Variants in RCAN2 observed in about 807,000 individuals in gnomAD.
RCAN2 encodes regulator of calcineurin 2, also known as calcipressin-2.
A neutral mutation model predicts 23.6 loss-of-function variants in RCAN2; 9 were observed. That is an observed-to-expected ratio of 0.38 (90% CI 0.23 to 0.67). The LOEUF (loss-of-function observed/expected upper bound fraction) is 0.67. Among genes scored for constraint, RCAN2 ranks in the 30% least tolerant of loss-of-function variants. The pLI, the probability that RCAN2 is intolerant of heterozygous loss-of-function variation, is 0.51. For synonymous variants in RCAN2, 109 were observed against 115.7 expected (o/e 0.94, Z 0.37); for missense variants, 273 against 302.3 (o/e 0.90, Z 0.72).
intron 2 of RCAN2, among the ~76,000 whole-genome samples, chr6:46,332,910 T>G (rs1163941653): frequency 6.6e-6 from 1 of 152,210 alleles, no homozygotes; most frequent in Non-Finnish European, 1.5e-5. Context: ...ATTGAACTAG[T>G]TTACAGTTCC....
intron 2 of RCAN2, 102 bp from the exon 3 acceptor site, chr6:46,248,998 T>A (rs1338266674): frequency 1.3e-6 from 1 of 798,110 alleles, no homozygotes; most frequent in African/African-American, 1.8e-5. Context: ...AGGCTGTTAA[T>A]AACATATGGT....
intron 1 of RCAN2, among the ~76,000 whole-genome samples, chr6:46,458,157 A>G (rs1768100251): frequency 6.6e-6 from 1 of 152,214 alleles, no homozygotes; most frequent in Non-Finnish European, 1.5e-5. Context: ...ATCATCACAG[A>G]TGCTCAGAGC....
chr6:46,384,607 A>G (rs1765694809), intron 2 of RCAN2, among the ~76,000 whole-genome samples: 1 of 152,250 alleles, frequency 6.6e-6, no homozygotes. Context: ...TCAGCCAACA[A>G]CAGATGGATA....
chr6:46,476,165 G>C (rs1204666148), intron 1 of RCAN2, among the ~76,000 whole-genome samples: 2 of 152,148 alleles, frequency 1.3e-5, no homozygotes, highest in African/African-American at 4.8e-5. Context: ...ATTTTACAGA[G>C]TAGAAAACTG....
At chr6:46,468,831 T>A in intron 1 of RCAN2, 1 of 985,412 alleles carries the variant, frequency 1.0e-6, no homozygotes, top group Non-Finnish European at 1.2e-6. Context: ...CTTGAGTGAC[T>A]TCCTGAGTCT....
chr6:46,222,996 C>T lies in RCAN2; in HGVS notation c.*145G>A. 1 of 782,610 alleles carries T rather than the reference C, an allele frequency of 1.3e-6. No individual in the cohort carries two copies. The highest frequency in any genetic ancestry group is 3.8e-4 in the Middle Eastern group (1 of 2,612). 48.5% of individuals were successfully genotyped at this position (782,610 alleles called of 1,614,324 possible). On this transcript the variant is annotated 3_prime_UTR_variant, in exon 5 of 5. Coordinates refer to ENST00000371374, the MANE Select transcript of RCAN2 (RefSeq NM_001251974.2). ...AGGAGACATATCACCTTTTCCTAGC[C>T]CTTTTGTCCGAGAGGCTTGATAACA...
chr6:46,333,665 G>GGCACTCCTAAGAAGCCACTGTCA (rs1764055345), intron 2 of RCAN2, among the ~76,000 whole-genome samples: 1 of 152,194 alleles, frequency 6.6e-6, no homozygotes, highest in African/African-American at 2.4e-5. Flanking sequence ...CACAGTATGT[G>GGCACTCCTAAGAAGCCACTGTCA]TTTCAGAATG....
intron 2 of RCAN2, among the ~76,000 whole-genome samples, chr6:46,401,517 CT>C (rs1766247941): frequency 6.6e-6 from 1 of 152,124 alleles, no homozygotes; most frequent in Admixed American, 6.5e-5. Context: ...CAAAAGATCC[CT>C]CATACCTCTT....
chr6:46,311,516 G>A (rs1763260119), intron 2 of RCAN2, among the ~76,000 whole-genome samples: 1 of 152,188 alleles, frequency 6.6e-6, no homozygotes, highest in African/African-American at 2.4e-5. Flanking sequence ...CAGGGTAAGT[G>A]CATGGGATGC....
intron 2 of RCAN2, among the ~76,000 whole-genome samples, chr6:46,315,896 G>T (rs1206332513): frequency 6.6e-6 from 1 of 151,916 alleles, no homozygotes; most frequent in Non-Finnish European, 1.5e-5. Context: ...AGAGAGGTTT[G>T]GAAGAGTTTG....
At chr6:46,236,230 C>T (rs1432797275) in intron 4 of RCAN2, among the ~76,000 whole-genome samples, 9 of 152,166 alleles carry the variant, frequency 5.9e-5, no homozygotes, top group East Asian at 3.9e-4. Flanking sequence ...AAGGGGTGAA[C>T]GATAACAGGC....
intron 2 of RCAN2, among the ~76,000 whole-genome samples, chr6:46,292,928 G>A (rs1403091195): frequency 6.6e-6 from 1 of 152,022 alleles, no homozygotes; most frequent in Non-Finnish European, 1.5e-5. Flanking sequence ...CTGTGTCCAT[G>A]TGTTCTCATT....
chr6:46,331,459 G>T (rs1290715271), intron 2 of RCAN2, among the ~76,000 whole-genome samples: 1 of 152,162 alleles, frequency 6.6e-6, no homozygotes, highest in Non-Finnish European at 1.5e-5. Context: ...ATACATTGAG[G>T]TTTAATCTTA....
intron 1 of RCAN2, among the ~76,000 whole-genome samples, chr6:46,486,860 GA>G (rs1426611311): frequency 6.6e-6 from 1 of 152,150 alleles, no homozygotes; most frequent in African/African-American, 2.4e-5. Context: ...TTAACTTCTG[GA>G]AAGTACCATT....
At chr6:46,403,572 CAAAAA>C (rs35037427) in intron 2 of RCAN2, among the ~76,000 whole-genome samples, 1 of 122,622 alleles carries the variant, frequency 8.2e-6, no homozygotes, top group Admixed American at 8.1e-5. Flanking sequence ...AACTCCGTAT[CAAAAA>C]AAAAAAAAAA....
chr6:46,375,733 G>A (rs1765441023), intron 2 of RCAN2, among the ~76,000 whole-genome samples: 1 of 152,170 alleles, frequency 6.6e-6, no homozygotes, highest in South Asian at 2.1e-4. Context: ...ACTTTGTCAT[G>A]GTAGTGCAGA....
intron 2 of RCAN2, among the ~76,000 whole-genome samples, chr6:46,354,339 C>T (rs970548886): frequency 4.6e-5 from 7 of 151,764 alleles, no homozygotes; most frequent in African/African-American, 1.7e-4. Flanking sequence ...AGTAGAATCA[C>T]CTGGGGAGCT....
chr6:46,268,828 T>C (rs941164909), intron 2 of RCAN2, among the ~76,000 whole-genome samples: 1 of 152,204 alleles, frequency 6.6e-6, no homozygotes, highest in African/African-American at 2.4e-5. Flanking sequence ...TGTGACTAGA[T>C]GTGTGATTTT....
chr6:46,456,940 G>A lies in RCAN2; in HGVS notation c.37C>T (p.Pro13Ser). Reference sequence around the variant, plus strand: ...TCAGGGACGTGTCCCTGCTGCCCTGGGCTCCTCATTCCGATGAAGTATGAT... The same window carrying A: ...TCAGGGACGTGTCCCTGCTGCCCTGAGCTCCTCATTCCGATGAAGTATGAT... ...GESYFIGMRS[P>S]GQQGHVPEDG... is the part of the protein sequence containing the mutation. The change falls in exon 2 of 5, where the codon CCA (proline) becomes TCA (serine). Residue 13 changes from proline (P) to serine (S), a missense_variant. Physicochemically the swap from Pro to Ser is moderately conservative, Grantham distance 74. Coordinates refer to ENST00000371374, the MANE Select transcript of RCAN2 (RefSeq NM_001251974.2). 1 of 1,550,820 alleles carries A rather than the reference G, an allele frequency of 6.4e-7. No homozygotes were observed.
Sources: allele counts gnomAD v4.1 joint callset (sites outside exome capture counted in the v4.1 genomes callset), GRCh38; gene constraint gnomAD v4.1.1; transcripts MANE v1.5; gene names NCBI Gene and HGNC (gene_info 2026-07-23, HGNC 2026-07-21).